The following PRAMEF27 variants were observed in gnomAD, a reference collection of about 807,000 sequenced individuals.
PRAMEF27 encodes PRAME family member 27.
A neutral mutation model predicts 21.0 loss-of-function variants in PRAMEF27; 5 were observed. That is an observed-to-expected ratio of 0.24 (90% confidence interval 0.12 to 0.50). The LOEUF (loss-of-function observed/expected upper bound fraction) is 0.50, where lower values mean the gene tolerates loss of function less well. Ranked by LOEUF, PRAMEF27 falls within the 20% of genes least tolerant of loss-of-function variation. PRAMEF27 has a pLI of 0.98. For missense variants in PRAMEF27, 138 were observed against 541.4 expected, an observed-to-expected ratio of 0.25 and a Z score of 7.39; for synonymous variants, 61 against 211.2, an observed-to-expected ratio of 0.29 and a Z score of 6.17.
In PRAMEF27 at chr1:13,056,398, G is replaced by A. The variant is rs1171735873; in HGVS notation, c.-17+16C>T. The A allele has an allele frequency of 7.8e-6, 1 of 128,050 alleles. No individual in the cohort carries two copies. The highest frequency in any genetic ancestry group is 4.4e-5 in the African/African-American group (1 of 22,926). 7.9% of individuals were successfully genotyped at this position (128,050 alleles called of 1,614,324 possible). A position where few individuals can be genotyped will look rare whatever the true frequency, so the allele number is the denominator to read the frequency against. ...TAGGTCAGATGGGAGTGTCCTTACAGAAATTAGTGACTTACCAGATCTGGA... is the reference window on the plus strand; with the variant it reads ...TAGGTCAGATGGGAGTGTCCTTACAAAAATTAGTGACTTACCAGATCTGGA... On this transcript the variant is annotated intron_variant, in intron 1 of 3. Coordinates refer to ENST00000436041, the MANE Select transcript of PRAMEF27 (RefSeq NM_001300891.2).
intron 1 of PRAMEF27, 174 bp from the exon 2 acceptor site, chr1:13,053,849 C>T: frequency 4.2e-6 from 4 of 945,726 alleles, no homozygotes; most frequent in East Asian, 3.0e-5. Flanking sequence ...TCTGCTGCAT[C>T]AGCATGAGCG....
At chr1:13,052,947 C>G in intron 2 of PRAMEF27, 1 of 312,234 alleles carries the variant, frequency 3.2e-6, no homozygotes, top group African/African-American at 1.5e-4. Context: ...CCTCTGCTTC[C>G]TGGGTTCAAA....
chr1:13,050,500 TC>T lies in PRAMEF27; in HGVS notation c.876-132del. 11 of 1,310,242 alleles carry T rather than the reference TC, an allele frequency of 8.4e-6. 1 individual carries two copies. In the South Asian group the frequency reaches 1.5e-4, roughly 17 times the overall value. 81.2% of individuals were successfully genotyped at this position (1,310,242 alleles called of 1,614,324 possible). A position where few individuals can be genotyped will look rare whatever the true frequency, so the allele number is the denominator to read the frequency against. On this transcript the variant is annotated intron_variant, in intron 3 of 3. Coordinates refer to ENST00000436041, the MANE Select transcript of PRAMEF27 (RefSeq NM_001300891.2). ...CAGGGTCATTCTGATGGCCTGATGG[TC>T]AACACTTAGAATGATGTGTGATGAA...
intron 1 of PRAMEF27, chr1:13,056,117 A>C (rs1642244683): frequency 8.5e-6 from 1 of 117,100 alleles, no homozygotes. Context: ...GTTGGTCTCA[A>C]ACCCCTGGGC....
intron 1 of PRAMEF27, chr1:13,055,352 C>T (rs1642235541): frequency 1.7e-5 from 1 of 60,204 alleles, no homozygotes; most frequent in South Asian, 8.0e-4. Context: ...TAAGAAAACA[C>T]AATAGAAATC....
At chr1:13,055,150 A>C (rs1252312906) in intron 1 of PRAMEF27, 1 of 228 alleles carries the variant, frequency 4.4e-3, no homozygotes, top group African/African-American at 0.042. Context: ...TCCCTTCACA[A>C]ACATGGACTT....
intron 3 of PRAMEF27, chr1:13,051,787 C>T: frequency 2.0e-6 from 1 of 489,288 alleles, no homozygotes; most frequent in East Asian, 3.6e-5. Flanking sequence ...GAGCCACCGC[C>T]CCTGGCCTAT....
intron 1 of PRAMEF27, chr1:13,055,768 C>G (rs1308321726): frequency 2.1e-5 from 3 of 140,956 alleles, no homozygotes; most frequent in African/African-American, 9.0e-5. Flanking sequence ...ATAGCTGGGA[C>G]TACAGATGCA....
chr1:13,055,555 C>T (rs1480662191), intron 1 of PRAMEF27: 2 of 142,692 alleles, frequency 1.4e-5, no homozygotes, highest in African/African-American at 5.6e-5. Flanking sequence ...CAGGCACCCC[C>T]CACAGCCATG....
intron 1 of PRAMEF27, 80 bp from the exon 2 acceptor site, chr1:13,053,755 T>A: frequency 1.3e-6 from 2 of 1,497,522 alleles, no homozygotes; most frequent in Non-Finnish European, 1.8e-6. Context: ...ATGGCCAAAC[T>A]CACTGCTCTG....
At chr1:13,053,705 A>G (rs1446651846) in intron 1 of PRAMEF27, 30 bp from the exon 2 acceptor site, 4 of 1,585,084 alleles carry the variant, frequency 2.5e-6, no homozygotes, top group Non-Finnish European at 3.4e-6. Flanking sequence ...GAGAAAAGGC[A>G]TCACTCTCAG....
intron 1 of PRAMEF27, chr1:13,056,040 A>C (rs1410836310): frequency 8.4e-6 from 1 of 118,548 alleles, no homozygotes; most frequent in Non-Finnish European, 1.6e-5. Context: ...TGGGCAACAC[A>C]GTGAGACTCC....
rs1304040018 is a variant in PRAMEF27, at chr1:13,053,834, G to C, written c.-16-159C>G. 202 of 1,042,606 alleles carry C rather than the reference G, an allele frequency of 1.9e-4. 33 individuals are homozygous for C. The highest frequency in any genetic ancestry group is 1.0e-3 in the Middle Eastern group (3 of 2,952). 64.6% of individuals were successfully genotyped at this position (1,042,606 alleles called of 1,614,324 possible). A position where few individuals can be genotyped will look rare whatever the true frequency, so the allele number is the denominator to read the frequency against. On this transcript the variant is annotated intron_variant, in intron 1 of 3. Coordinates refer to ENST00000436041, the MANE Select transcript of PRAMEF27 (RefSeq NM_001300891.2). Reference sequence around the variant, plus strand: ...ACTCAGTGGCCATTAAGCCAGCATTGTGCCTCTGCTGCATCAGCATGAGCG... The same window carrying C: ...ACTCAGTGGCCATTAAGCCAGCATTCTGCCTCTGCTGCATCAGCATGAGCG...
Position 13,050,514 on chromosome 1 carries a change from G to A in PRAMEF27, c.876-145C>T. 3 of 1,300,644 alleles carry A rather than the reference G, an allele frequency of 2.3e-6. No homozygotes were observed. In the South Asian group the frequency reaches 4.4e-5, roughly 19 times the overall value. 80.6% of individuals were successfully genotyped at this position (1,300,644 alleles called of 1,614,324 possible). On this transcript the variant is annotated intron_variant, in intron 3 of 3. Transcript: ENST00000436041. The stretch of plus-strand genomic sequence containing the variant: ...TGGCCTGATGGTCAACACTTAGAAT[G>A]ATGTGTGATGAAGAGCTTTGCCACC...
chr1:13,050,548 T>G, intron 3 of PRAMEF27, 179 bp from the exon 4 acceptor site: 1 of 878,694 alleles, frequency 1.1e-6, no homozygotes, highest in South Asian at 1.8e-5. Flanking sequence ...CCGAGGTCAA[T>G]TCCACCTTAG....
chr1:13,056,488 G>A lies in PRAMEF27; in HGVS notation c.-91C>T, dbSNP rs1385349276. On this transcript the variant is annotated 5_prime_UTR_variant, in exon 1 of 4. Transcript: ENST00000436041. ...CAGGAACTCCAGGCTTGAAGACTTT[G>A]GGTCTCTCCTGTGGGTCTTTAGAAG... The A allele has an allele frequency of 7.9e-6, 1 of 126,870 alleles. No individual in the cohort carries two copies. Among genetic ancestry groups the A allele is most frequent in the Non-Finnish European group, 1.5e-5 (1 of 65,072 alleles). The allele number at this position is 126,870 out of a possible 1,614,324, so 7.9% of individuals were successfully genotyped here.
chr1:13,053,330 C>G, intron 2 of PRAMEF27, 37 bp downstream of exon 2: 2 of 1,491,018 alleles, frequency 1.3e-6, no homozygotes, highest in Non-Finnish European at 1.8e-6. Context: ...AGTTGGACAC[C>G]TGGGCCCTCC....
Position 13,049,954 on chromosome 1 carries a change from T to C in PRAMEF27, c.1291A>G (p.Asn431Asp), listed in dbSNP as rs1475912302. 74 of 1,420,072 alleles carry C rather than the reference T, an allele frequency of 5.2e-5. 16 individuals are homozygous for C. Among genetic ancestry groups the C allele is most frequent in the Middle Eastern group, 2.4e-4 (1 of 4,248 alleles). The allele number at this position is 1,420,072 out of a possible 1,614,324, so 88.0% of individuals were successfully genotyped here. ...TCAGCCCTAATTTGAGCAAATCTGT[T>C]CCAGCAGAGAGTACCATCAGCACCA... Reference protein sequence around the residue: ...SYGADGTLCWNRFAQIRAELM... With the variant: ...SYGADGTLCWDRFAQIRAELM... Residue 431 changes from asparagine (N) to aspartate (D), a missense_variant, in exon 4 of 4, where the codon AAC (asparagine) becomes GAC (aspartate). By Grantham distance (23) the Asn-to-Asp change is conservative. Transcript: ENST00000436041.
intron 3 of PRAMEF27, 200 bp from the exon 4 acceptor site, chr1:13,050,569 G>C: frequency 1.7e-6 from 1 of 579,594 alleles, no homozygotes; most frequent in Non-Finnish European, 3.0e-6. Flanking sequence ...AGCCGGCCCA[G>C]TAACTCACAC....
Sources: allele counts gnomAD v4.1 joint callset, GRCh38; gene constraint gnomAD v4.1.1; transcripts MANE v1.5; gene names NCBI Gene and HGNC (gene_info 2026-07-23, HGNC 2026-07-21).